The following ZNF385C variants were observed in gnomAD, a reference collection of about 807,000 sequenced individuals.
ZNF385C encodes the protein zinc finger protein 385C.
Under a neutral mutation model 35.4 loss-of-function variants are expected in ZNF385C, and 28 were observed. That is an observed-to-expected ratio of 0.79 (90% CI 0.59 to 1.08). The LOEUF is 1.08. ZNF385C is among the 50% of genes least tolerant of loss of function. The pLI is 0.00. For missense variants in ZNF385C, 605 were observed against 595.6 expected (o/e 1.02, Z -0.16); for synonymous variants, 248 against 248.2 (o/e 1.00, Z 0.01).
At position 42,028,960 on chromosome 17, in the gene ZNF385C, A is replaced by T. The variant is rs782815289; in HGVS notation, c.790T>A (p.Ser264Thr). The T allele has an allele frequency of 6.4e-7, 1 of 1,550,572 alleles. No individual in the cohort carries two copies. The change falls in exon 6 of 9, where the codon TCC (serine) becomes ACC (threonine). Residue 264 changes from serine (S) to threonine (T), a missense_variant. Physicochemically the swap from Ser to Thr is moderately conservative, Grantham distance 58. Transcript: ENST00000692273. ...TCTGGGGAGCAAGGTGGGCAGGAGG[A>T]AGAAGAGGATGAGGAGGCAGCATCC... ...LLDAASSSSSSSCPPCSPEPG... is the reference protein window; with the variant it reads ...LLDAASSSSSTSCPPCSPEPG...
rs1835183044 is a variant in ZNF385C at position 42,028,196 on chromosome 17, T to A, written c.1018A>T (p.Ser340Cys). 1 of 1,578,904 alleles carries A rather than the reference T, an allele frequency of 6.3e-7. No homozygotes were observed. Among genetic ancestry groups the A allele is most frequent in the Non-Finnish European group, 8.6e-7 (1 of 1,164,446 alleles). The stretch of plus-strand genomic sequence containing the variant: ...CCCCTGGACACCGGGCGGCCCCGGC[T>A]CCTCCGGGGAGCCCCTCGCTGACCT... ...MEGQRGAPRRSRGRPVSRGGA... is the reference protein window; with the variant it reads ...MEGQRGAPRRCRGRPVSRGGA... Residue 340 changes from serine (S) to cysteine (C), a missense_variant, in exon 7 of 9, where the codon AGC becomes TGC. Physicochemically the swap from Ser to Cys is moderately radical, Grantham distance 112 (BLOSUM62 -1). Transcript: ENST00000692273.
chr17:42,058,392 G>A (rs2053412670), intron 2 of ZNF385C, among the ~76,000 whole-genome samples: 1 of 152,200 alleles, frequency 6.6e-6, no homozygotes, highest in Non-Finnish European at 1.5e-5. Context: ...ATGGCGCCCC[G>A]GACACTGAGT....
At chr17:42,082,286 C>A (rs2053757746) in intron 1 of ZNF385C, among the ~76,000 whole-genome samples, 1 of 152,234 alleles carries the variant, frequency 6.6e-6, no homozygotes. Context: ...GATCCGCTCG[C>A]CTCAGCCTTC....
chr17:42,063,110 A>G, intron 1 of ZNF385C, 52 bp from the exon 2 acceptor site: 1 of 580,678 alleles, frequency 1.7e-6, no homozygotes, highest in South Asian at 2.1e-5. Context: ...GCGAATTCTT[A>G]GAGAGAGCAG....
chr17:42,082,753 T>G (rs544334784), intron 1 of ZNF385C, among the ~76,000 whole-genome samples: 2 of 152,252 alleles, frequency 1.3e-5, no homozygotes, highest in South Asian at 4.1e-4. Context: ...GGCAACATAA[T>G]GAGACCCTGT....
intron 2 of ZNF385C, among the ~76,000 whole-genome samples, chr17:42,058,458 G>A (rs533193409): frequency 6.6e-6 from 1 of 152,170 alleles, no homozygotes; most frequent in South Asian, 2.1e-4. Flanking sequence ...CAGCCTCCCT[G>A]GAATGGCTGT....
At chr17:42,078,222 C>G (rs1456485137) in intron 1 of ZNF385C, among the ~76,000 whole-genome samples, 1 of 152,072 alleles carries the variant, frequency 6.6e-6, no homozygotes, top group Non-Finnish European at 1.5e-5. Flanking sequence ...ATGCAAGGGC[C>G]AGGGATCCCT....
chr17:42,093,390 C>T (rs765114286), intron 1 of ZNF385C, among the ~76,000 whole-genome samples: 3 of 152,126 alleles, frequency 2.0e-5, no homozygotes, highest in Non-Finnish European at 4.4e-5. Context: ...ACCAGACAGA[C>T]AAGGGGCTCT....
At position 42,055,291 on chromosome 17, in the gene ZNF385C, T is replaced by A. The variant is rs1431931255; in HGVS notation, c.250+7516A>T. Among the ~76,000 whole-genome samples the A allele has an allele frequency of 5.3e-5, 8 of 152,158 alleles. No individual in the cohort carries two copies. In the South Asian group the frequency reaches 8.3e-4, roughly 16 times the overall value. On this transcript the variant is annotated intron_variant, in intron 2 of 8. Transcript: ENST00000692273. The stretch of plus-strand genomic sequence containing the variant: ...GAAGGAAACTCAAGCCCAGAGCTAA[T>A]TAACCCACCCAGAGACACAGACAGA...
chr17:42,031,539 A>G, intron 5 of ZNF385C, 80 bp downstream of exon 5: 1 of 1,475,460 alleles, frequency 6.8e-7, no homozygotes, highest in Non-Finnish European at 9.1e-7. Flanking sequence ...AGCAAAAAGA[A>G]TAAGCAGAAA....
Position 42,028,976 on chromosome 17 carries a change from G to A in ZNF385C, c.774C>T (p.Ala258=), listed in dbSNP as rs1567983106. 5 of 1,550,612 alleles carry A rather than the reference G, an allele frequency of 3.2e-6. No individual in the cohort carries two copies. The highest frequency in any genetic ancestry group is 1.7e-4 in the Middle Eastern group (1 of 5,992). Residue 258 remains alanine, a synonymous_variant, in exon 6 of 9, where the codon GCC becomes GCT. Coordinates refer to ENST00000692273, the MANE Select transcript of ZNF385C (RefSeq NM_001392013.1). ...EPAHSELLDA[A]SSSSSSSCPP... ...GGCAGGAGGAAGAAGAGGATGAGGA[G>A]GCAGCATCCAAGAGCTCTGAGTGGG...
At chr17:42,096,099 C>T (rs1401993289) in intron 1 of ZNF385C, among the ~76,000 whole-genome samples, 4 of 152,198 alleles carry the variant, frequency 2.6e-5, no homozygotes, top group Non-Finnish European at 5.9e-5. Context: ...CTGGCCACCC[C>T]CCTTCCTGCT....
At chr17:42,043,613 G>A (rs2053081057) in intron 2 of ZNF385C, 1 of 354,022 alleles carries the variant, frequency 2.8e-6, no homozygotes, top group East Asian at 4.2e-5. Flanking sequence ...TCATGGTAGG[G>A]GTGGTTTAGG....
At position 42,031,924 on chromosome 17, in the gene ZNF385C, C is replaced by A; in HGVS notation, c.511-140G>T. The A allele has an allele frequency of 3.3e-6, 3 of 897,720 alleles. No homozygotes were observed. The South Asian group carries it at 5.1e-5, about 15-fold the overall frequency. 55.6% of individuals were successfully genotyped at this position (897,720 alleles called of 1,614,324 possible). ...AAGGGCAAGTCCTTGTCCTTGTCATCATCATCACCATAGCACATGTGGCTC... is the reference window on the plus strand; with the variant it reads ...AAGGGCAAGTCCTTGTCCTTGTCATAATCATCACCATAGCACATGTGGCTC... On this transcript the variant is annotated intron_variant, in intron 4 of 8. Transcript: ENST00000692273.
At chr17:42,054,710 T>A (rs1555657410) in intron 2 of ZNF385C, among the ~76,000 whole-genome samples, 1 of 151,712 alleles carries the variant, frequency 6.6e-6, no homozygotes, top group Non-Finnish European at 1.5e-5. Flanking sequence ...GCCTCCAGAG[T>A]AGCTGGGATT....
At chr17:42,078,176 G>T (rs2053704851) in intron 1 of ZNF385C, among the ~76,000 whole-genome samples, 1 of 152,156 alleles carries the variant, frequency 6.6e-6, no homozygotes, top group African/African-American at 2.4e-5. Context: ...ACAGTAACAG[G>T]CCTCAGTTTC....
At chr17:42,051,936 G>A (rs1555657142) in intron 2 of ZNF385C, among the ~76,000 whole-genome samples, 1 of 152,134 alleles carries the variant, frequency 6.6e-6, no homozygotes, top group Non-Finnish European at 1.5e-5. Context: ...ACGTGTGGCC[G>A]CCTGACTCCT....
At position 42,027,270 on chromosome 17, in the gene ZNF385C, C is replaced by G. The variant is rs2052606692; in HGVS notation, c.1276-137G>C. 3 of 764,636 alleles carry G rather than the reference C, an allele frequency of 3.9e-6. No individual in the cohort carries two copies. The South Asian group carries it at 5.1e-5, about 13-fold the overall frequency. The allele number at this position is 764,636 out of a possible 1,614,324, so 47.4% of individuals were successfully genotyped here. On this transcript the variant is annotated intron_variant, in intron 8 of 8. Transcript: ENST00000692273. ...CCAAACCTAAATCCTCCTCCCTTCCCACCCCCAAACATTCATTCCGAAGGG... is the reference window on the plus strand; with the variant it reads ...CCAAACCTAAATCCTCCTCCCTTCCGACCCCCAAACATTCATTCCGAAGGG...
At chr17:42,096,794 CG>C (rs1567999220) in intron 1 of ZNF385C, among the ~76,000 whole-genome samples, 2 of 151,748 alleles carry the variant, frequency 1.3e-5, no homozygotes, top group Non-Finnish European at 2.9e-5. Flanking sequence ...TGGGCGGGGG[CG>C]GGGGGACTCT....
Sources: allele counts gnomAD v4.1 joint callset (sites outside exome capture counted in the v4.1 genomes callset), GRCh38; gene constraint gnomAD v4.1.1; transcripts MANE v1.5; gene names NCBI Gene and HGNC (gene_info 2026-07-23, HGNC 2026-07-21).